Variants in MID1 observed in about 807,000 individuals in gnomAD.
MID1 encodes midline 1, also known as E3 ubiquitin-protein ligase Midline-1.
In MID1, 7 loss-of-function variants were observed where a neutral mutation model predicts 40.4. That is an observed-to-expected ratio of 0.17 (90% CI 0.10 to 0.33). The LOEUF is 0.33. Among genes scored for constraint, MID1 ranks in the 10% least tolerant of loss-of-function variants. MID1 has a pLI of 1.00. For missense variants in MID1, 367 were observed against 558.5 expected (o/e 0.66, Z 3.46); for synonymous variants, 229 against 221.2 (o/e 1.04, Z -0.31).
At chrX:10,789,994 C>T (rs969017305) in intron 1 of MID1, among the ~76,000 whole-genome samples, 2 of 111,290 alleles carry the variant, frequency 1.8e-5, no homozygotes, top group African/African-American at 6.5e-5. Flanking sequence ...GTTCACCTTG[C>T]CTTAGCCACA....
chrX:10,760,498 T>C (rs1382245425), intron 1 of MID1, among the ~76,000 whole-genome samples: 2 of 111,764 alleles, frequency 1.8e-5, no homozygotes, highest in African/African-American at 6.5e-5. Flanking sequence ...AGGTATAACT[T>C]GCGAGGGGAA....
chrX:10,703,890 C>T (rs1359684433), intron 1 of MID1, among the ~76,000 whole-genome samples: 1 of 111,912 alleles, frequency 8.9e-6, no homozygotes, highest in Non-Finnish European at 1.9e-5. Context: ...GTTCCTTTTT[C>T]TTCGAAAATC....
chrX:10,502,923 T>C (rs1243523491), intron 3 of MID1, among the ~76,000 whole-genome samples: 1 of 112,013 alleles, frequency 8.9e-6, no homozygotes, highest in Non-Finnish European at 1.9e-5. Flanking sequence ...AAGGGGTTAG[T>C]GGTACTACAT....
At position 10,459,684 on chromosome X, in the gene MID1, C is replaced by T. The variant is rs761537930; in HGVS notation, c.1409G>A (p.Gly470Asp). The part of the protein sequence containing the change: ...IFMVKAINQA[G>D]SRSSEPGKLK... ...CTTCCCAGGCTCACTGCTGCGGCTG[C>T]CCGCCTGGTTGATGGCCTTGACCAT... The change falls in exon 8 of 10, where the codon GGC becomes GAC. Residue 470 changes from glycine to aspartate, a missense_variant. Physicochemically the swap from Gly to Asp is moderately conservative, Grantham distance 94 (BLOSUM62 -1). This residue lies in a region of MID1 where 275 missense variants were observed against 383.1 expected (regional missense o/e 0.72). Transcript: ENST00000317552. 1.7e-6 allele frequency: 2 copies of T among 1,211,673 alleles called. No homozygotes were observed. Among genetic ancestry groups the T allele is most frequent in the Non-Finnish European group, 2.2e-6 (2 of 895,496 alleles).
intron 1 of MID1, among the ~76,000 whole-genome samples, chrX:10,591,885 C>G (rs1935310664): frequency 9.0e-6 from 1 of 111,083 alleles, no homozygotes; most frequent in South Asian, 3.8e-4. Flanking sequence ...TCACAAAACC[C>G]TAGTTAGCCA....
chrX:10,469,843 G>T lies in MID1; in HGVS notation c.1142-3C>A, dbSNP rs1325077449. The T allele has an allele frequency of 8.3e-7, 1 of 1,209,477 alleles. No homozygotes were observed. Among genetic ancestry groups the T allele is most frequent in the African/African-American group, 1.7e-5 (1 of 57,671 alleles). On this transcript the variant is annotated splice_region_variant and splice_polypyrimidine_tract_variant and intron_variant, in intron 6 of 9. Coordinates refer to ENST00000317552, the MANE Select transcript of MID1 (RefSeq NM_000381.4). ...TCTAATTGTGGGAGGGTTGGGAGCT[G>T]TGGGGGTCAAGAATGCTTATCAGTG...
intron 2 of MID1, among the ~76,000 whole-genome samples, chrX:10,544,249 G>A (rs1212716520): frequency 9.1e-6 from 1 of 109,505 alleles, no homozygotes; most frequent in African/African-American, 3.3e-5. Context: ...TGCCTGTTAT[G>A]ATTGTTGCAC....
At chrX:10,467,470 G>A (rs1011348633) in intron 7 of MID1, among the ~76,000 whole-genome samples, 5 of 111,792 alleles carry the variant, frequency 4.5e-5, no homozygotes, top group African/African-American at 6.5e-5. Context: ...TGGGCCAGAC[G>A]CAGAGAAGTC....
chrX:10,717,605 T>C (rs2043315136), intron 1 of MID1, among the ~76,000 whole-genome samples: 1 of 110,218 alleles, frequency 9.1e-6, no homozygotes, highest in Non-Finnish European at 1.9e-5. Flanking sequence ...TGGGAGACTT[T>C]AACACCCCAC....
intron 6 of MID1, among the ~76,000 whole-genome samples, chrX:10,470,525 G>A (rs1208774830): frequency 9.0e-6 from 1 of 111,565 alleles, no homozygotes; most frequent in Non-Finnish European, 1.9e-5. Flanking sequence ...TAGATGTTTC[G>A]ATGACTTACA....
At chrX:10,547,347 C>T (rs955068517) in intron 2 of MID1, among the ~76,000 whole-genome samples, 2 of 109,174 alleles carry the variant, frequency 1.8e-5, no homozygotes, top group African/African-American at 6.7e-5. Context: ...CCAAGGCGGG[C>T]GGATCACCTG....
intron 7 of MID1, among the ~76,000 whole-genome samples, chrX:10,465,923 G>A (rs758616731): frequency 8.9e-6 from 1 of 112,312 alleles, no homozygotes; most frequent in Non-Finnish European, 1.9e-5. Flanking sequence ...TTGTTTCACA[G>A]CAATAGAAAA....
intron 7 of MID1, among the ~76,000 whole-genome samples, chrX:10,464,108 T>G (rs1929203943): frequency 8.9e-6 from 1 of 111,845 alleles, no homozygotes; most frequent in African/African-American, 3.3e-5. Context: ...CTTTCTGGCA[T>G]CTATGCGTTA....
chrX:10,478,939 A>G (rs1930162293), intron 5 of MID1, among the ~76,000 whole-genome samples: 1 of 112,041 alleles, frequency 8.9e-6, no homozygotes, highest in South Asian at 3.7e-4. Context: ...AATAGGAGAC[A>G]GAAAAAAGAA....
intron 7 of MID1, among the ~76,000 whole-genome samples, chrX:10,465,210 TATATACACACACACACACAC>T (rs1238616743): frequency 6.4e-5 from 4 of 62,070 alleles, no homozygotes; most frequent in East Asian, 3.7e-4. Flanking sequence ...TATATATATA[TATATACACACACACACACAC>T]ACACACACAC....
chrX:10,586,376 C>G (rs939558744), intron 1 of MID1, among the ~76,000 whole-genome samples: 9 of 111,471 alleles, frequency 8.1e-5, no homozygotes, highest in Non-Finnish European at 1.7e-4. Flanking sequence ...TTCAGAGTCA[C>G]TTTGCAAGGG....
chrX:10,809,696 T>C (rs148646631), intron 1 of MID1, among the ~76,000 whole-genome samples: 3,478 of 100,438 alleles, frequency 0.035, 167 homozygotes, highest in African/African-American at 0.12. Flanking sequence ...CCAAACACCA[T>C]TCACTCATAG....
chrX:10,721,542 A>T (rs1271919699), intron 1 of MID1, among the ~76,000 whole-genome samples: 1 of 110,841 alleles, frequency 9.0e-6, no homozygotes, highest in Admixed American at 9.7e-5. Context: ...TGTTTCAGTA[A>T]CATTCAACTA....
chrX:10,579,690 A>G (rs903851759), intron 1 of MID1, among the ~76,000 whole-genome samples: 2 of 111,761 alleles, frequency 1.8e-5, no homozygotes, highest in African/African-American at 6.5e-5. Flanking sequence ...CTTAAAAAGT[A>G]AGGAAAACGA....
Sources: gnomAD v4.1 joint callset for allele counts (sites outside exome capture counted in the v4.1 genomes callset) on GRCh38, gnomAD v4.1.1 for gene constraint, gnomAD v4.1.1 regional missense constraint, MANE v1.5 for transcripts, NCBI Gene and HGNC (gene_info 2026-07-23, HGNC 2026-07-21) for gene names.